PPP2R2B: variants seen among roughly 807,000 people sequenced by gnomAD.
The protein encoded by PPP2R2B is serine/threonine-protein phosphatase 2A 55 kDa regulatory subunit B beta isoform.
PPP2R2B carries 5 observed loss-of-function variants against 46.0 expected under a neutral mutation model. That is an observed-to-expected ratio of 0.11 (90% CI 0.06 to 0.23). The LOEUF (loss-of-function observed/expected upper bound fraction) is 0.23. Among genes scored for constraint, PPP2R2B ranks in the 10% least tolerant of loss-of-function variants. The pLI, the probability that PPP2R2B is intolerant of heterozygous loss-of-function variation, is 1.00. For synonymous variants in PPP2R2B, 215 were observed against 206.7 expected, an observed-to-expected ratio of 1.04 and a Z score of -0.34; for missense variants, 367 against 575.0, an observed-to-expected ratio of 0.64 and a Z score of 3.70.
intron 1 of PPP2R2B, among the ~76,000 whole-genome samples, chr5:147,036,225 CTCA>C (rs1186257026): frequency 6.6e-6 from 1 of 152,122 alleles, no homozygotes; most frequent in Admixed American, 6.6e-5. Flanking sequence ...TCATTGTGTT[CTCA>C]TCATTGAGCT....
intron 2 of PPP2R2B, among the ~76,000 whole-genome samples, chr5:146,823,808 A>AT (rs1237652467): frequency 1.3e-5 from 2 of 152,144 alleles, no homozygotes; most frequent in African/African-American, 2.4e-5. Flanking sequence ...GTTAACAGTG[A>AT]TTTTTGCAAA....
chr5:146,987,253 G>T (rs189522990), intron 1 of PPP2R2B, among the ~76,000 whole-genome samples: 50 of 152,118 alleles, frequency 3.3e-4, no homozygotes, highest in Non-Finnish European at 5.0e-4. Context: ...TAAATACTAA[G>T]GTGGGATCTT....
intron 1 of PPP2R2B, among the ~76,000 whole-genome samples, chr5:147,051,867 A>G (rs1044830701): frequency 4.8e-5 from 7 of 146,202 alleles, no homozygotes; most frequent in African/African-American, 1.8e-4. Context: ...GGTTCAAGCA[A>G]TTCTCCTGCC....
chr5:146,751,290 GGAA>G (rs1030657319), intron 2 of PPP2R2B: 1 of 152,212 alleles, frequency 6.6e-6, no homozygotes, highest in Admixed American at 6.5e-5. Context: ...AACATAGCGG[GGAA>G]GAGGTCATAG....
intron 7 of PPP2R2B, among the ~76,000 whole-genome samples, chr5:146,617,297 A>AT (rs1773257260): frequency 6.6e-6 from 1 of 152,238 alleles, no homozygotes; most frequent in Non-Finnish European, 1.5e-5. Flanking sequence ...CTAGTATGTG[A>AT]TAGCACAACA....
At chr5:147,071,911 GA>G (rs1173203956) in intron 2 of PPP2R2B, among the ~76,000 whole-genome samples, 1 of 152,176 alleles carries the variant, frequency 6.6e-6, no homozygotes, top group Non-Finnish European at 1.5e-5. Context: ...CAGATATTTT[GA>G]TAGCAGTTTT....
intron 1 of PPP2R2B, among the ~76,000 whole-genome samples, chr5:146,927,010 T>A (rs1218682402): frequency 6.6e-6 from 1 of 152,192 alleles, no homozygotes; most frequent in African/African-American, 2.4e-5. Flanking sequence ...TCCTTCAACA[T>A]CTACAGAGAA....
At chr5:146,704,790 A>G (rs1487147873) in intron 2 of PPP2R2B, among the ~76,000 whole-genome samples, 1 of 152,184 alleles carries the variant, frequency 6.6e-6, no homozygotes. Context: ...AATTTCATAC[A>G]TAAAGTATTA....
chr5:146,754,771 G>T (rs1753745011), intron 2 of PPP2R2B, among the ~76,000 whole-genome samples: 1 of 152,166 alleles, frequency 6.6e-6, no homozygotes, highest in African/African-American at 2.4e-5. Context: ...AGCCCATGTG[G>T]CAGCCTCCTG....
chr5:146,710,203 C>T (rs969496595), intron 2 of PPP2R2B, among the ~76,000 whole-genome samples: 2 of 152,174 alleles, frequency 1.3e-5, no homozygotes, highest in African/African-American at 4.8e-5. Flanking sequence ...AAAATTATGA[C>T]TTCAGAGGGA....
rs943936591 is a variant in PPP2R2B, at chr5:146,691,239, A to G, written c.336T>C (p.Asp112=). The change falls in exon 5 of 10, where the codon GAT becomes GAC. Residue 112 remains aspartate, a splice_region_variant and synonymous_variant. Transcript: ENST00000394411. ...TGACTTTCCACAGCTTCACAGTTTT[A>G]TCTGTAGTGGGCAACCAGATTAAGT... ...NAAYFLLSTN[D]KTVKLWKVSE... is the part of the protein sequence containing the mutation. 6.2e-7 allele frequency: 1 copy of G among 1,613,562 alleles called. No homozygotes were observed.
intron 1 of PPP2R2B, among the ~76,000 whole-genome samples, chr5:146,913,645 G>T (rs1281379092): frequency 6.6e-6 from 1 of 151,510 alleles, no homozygotes; most frequent in Non-Finnish European, 1.5e-5. Flanking sequence ...CATGGTTCTT[G>T]GTTTGTATGC....
chr5:146,666,258 T>A (rs1245362668), intron 5 of PPP2R2B, among the ~76,000 whole-genome samples: 1 of 152,188 alleles, frequency 6.6e-6, no homozygotes, highest in Non-Finnish European at 1.5e-5. Flanking sequence ...TGTTCATTCA[T>A]TAATGTTAAT....
chr5:146,908,548 G>C (rs1324360333), intron 1 of PPP2R2B, among the ~76,000 whole-genome samples: 2 of 149,776 alleles, frequency 1.3e-5, no homozygotes, highest in Admixed American at 6.7e-5. Flanking sequence ...TTTGGCATAG[G>C]GGTGTGTTAA....
intron 1 of PPP2R2B, among the ~76,000 whole-genome samples, chr5:146,934,637 C>T (rs1016989237): frequency 7.3e-6 from 1 of 137,584 alleles, no homozygotes. Flanking sequence ...CCTGGGGAGA[C>T]TTTGGCCTCA....
chr5:146,604,104 T>C (rs1445289929), intron 7 of PPP2R2B, among the ~76,000 whole-genome samples: 1 of 152,212 alleles, frequency 6.6e-6, no homozygotes, highest in East Asian at 1.9e-4. Flanking sequence ...GCACTACTCC[T>C]AGTGAGCTCA....
chr5:146,591,556 T>C (rs1450917435), intron 9 of PPP2R2B, among the ~76,000 whole-genome samples: 1 of 151,992 alleles, frequency 6.6e-6, no homozygotes, highest in Non-Finnish European at 1.5e-5. Flanking sequence ...CAAACCCACA[T>C]ATGGTTGACT....
chr5:146,874,626 C>T (rs1377106332), intron 2 of PPP2R2B, among the ~76,000 whole-genome samples: 2 of 152,042 alleles, frequency 1.3e-5, no homozygotes, highest in African/African-American at 4.8e-5. Context: ...TTTAAAACAC[C>T]CCATCTATGT....
chr5:146,735,011 G>T (rs1048414738), intron 2 of PPP2R2B, among the ~76,000 whole-genome samples: 10 of 152,192 alleles, frequency 6.6e-5, no homozygotes, highest in Admixed American at 5.2e-4. Flanking sequence ...AAGGCCAAGG[G>T]TTAATGTGTA....
Sources: allele counts gnomAD v4.1 joint callset (sites outside exome capture counted in the v4.1 genomes callset), GRCh38; gene constraint gnomAD v4.1.1; transcripts MANE v1.5; gene names NCBI Gene and HGNC (gene_info 2026-07-23, HGNC 2026-07-21).